Variants in TRAPPC13 observed in about 807,000 individuals in gnomAD.
The protein encoded by TRAPPC13 is REV7-interacting novel NHEJ regulator 1.
TRAPPC13 carries 39 observed loss-of-function variants against 54.0 expected under a neutral mutation model. That is an observed-to-expected ratio of 0.72 (90% CI 0.56 to 0.94). The LOEUF (loss-of-function observed/expected upper bound fraction) is 0.94. Among genes scored for constraint, TRAPPC13 ranks in the 40% least tolerant of loss-of-function variants. The pLI, the probability that TRAPPC13 is intolerant of heterozygous loss-of-function variation, is 0.00. For missense variants in TRAPPC13, 386 were observed against 488.1 expected (o/e 0.79, Z 1.97); for synonymous variants, 148 against 167.7 (o/e 0.88, Z 0.91).
At position 65,665,511 on chromosome 5, in the gene TRAPPC13, G is replaced by A. The variant is rs1428998066; in HGVS notation, c.*900G>A. On this transcript the variant is annotated 3_prime_UTR_variant, in exon 13 of 13. Transcript: ENST00000399438. ...TTCAGCTACTGAACACATCAGAATT[G>A]GTTTTACTTTTTAGGTTGTTGATTT... The A allele has an allele frequency of 6.6e-6, 1 of 151,584 alleles. No individual in the cohort carries two copies. Among genetic ancestry groups the A allele is most frequent in the African/African-American group, 2.4e-5 (1 of 41,268 alleles). 9.4% of individuals were successfully genotyped at this position (151,584 alleles called of 1,614,324 possible).
intron 4 of TRAPPC13, among the ~76,000 whole-genome samples, chr5:65,646,056 A>G (rs1008639559): frequency 5.9e-5 from 9 of 152,230 alleles, no homozygotes; most frequent in African/African-American, 2.2e-4. Context: ...TCCTGCCTCC[A>G]TAGACTTTTC....
At chr5:65,626,023 C>T (rs1004492730) in intron 1 of TRAPPC13, 2 of 152,082 alleles carry the variant, frequency 1.3e-5, no homozygotes, top group Non-Finnish European at 2.9e-5. Flanking sequence ...CCTGTGTTAG[C>T]GAGATTGTCT....
intron 1 of TRAPPC13, chr5:65,626,188 T>A (rs1163851770): frequency 6.6e-6 from 1 of 152,204 alleles, no homozygotes; most frequent in Non-Finnish European, 1.5e-5. Context: ...GTGTTCTTTA[T>A]CTCACAATCT....
chr5:65,635,717 T>A lies in TRAPPC13; in HGVS notation c.116-227T>A, dbSNP rs115830247. The stretch of plus-strand genomic sequence containing the variant: ...TATTGGGGCTTTCTCTAGTATATTT[T>A]CTATCTCATGACGTACATTTTTCTT... On this transcript the variant is annotated intron_variant, in intron 2 of 12. Coordinates refer to ENST00000399438, the MANE Select transcript of TRAPPC13 (RefSeq NM_024941.4). 2.1e-3 allele frequency among the ~76,000 whole-genome samples: 322 copies of A among 152,326 alleles called. 1 individual carries two copies. The highest frequency in any genetic ancestry group is 7.5e-3 in the African/African-American group (313 of 41,594).
In TRAPPC13 at chr5:65,664,924, G is replaced by A; in HGVS notation, c.*313G>A. 3.0e-6 allele frequency: 1 copy of A among 338,966 alleles called. No homozygotes were observed. The highest frequency in any genetic ancestry group is 8.2e-5 in the East Asian group (1 of 12,260). The allele number at this position is 338,966 out of a possible 1,614,324, so 21.0% of individuals were successfully genotyped here. On this transcript the variant is annotated 3_prime_UTR_variant, in exon 13 of 13. Coordinates refer to ENST00000399438, the MANE Select transcript of TRAPPC13 (RefSeq NM_024941.4). ...CCCTAGCAAGTTATCTAGAACACGA[G>A]TCAGCACACTTTTTATGTAAGGTAC...
Position 65,635,989 on chromosome 5 carries a change from A to G in TRAPPC13, c.161A>G (p.Asn54Ser). Residue 54 changes from asparagine to serine, a missense_variant, in exon 3 of 13, where the codon AAT becomes AGT. Asn to Ser is a conservative substitution (Grantham distance 46). Coordinates refer to ENST00000399438, the MANE Select transcript of TRAPPC13 (RefSeq NM_024941.4). ...QLMRDDPSTV[N>S]GAEVLMLGEM... is the part of the protein sequence containing the mutation. ...ATGAGAGATGATCCTTCAACCGTTA[A>G]TGGTGCAGAAGTTTTAATGTTGGGA... 1.2e-6 allele frequency: 2 copies of G among 1,602,714 alleles called. No individual in the cohort carries two copies. Among genetic ancestry groups the G allele is most frequent in the Non-Finnish European group, 1.7e-6 (2 of 1,173,990 alleles).
intron 6 of TRAPPC13, among the ~76,000 whole-genome samples, chr5:65,651,174 G>A (rs867503059): frequency 1.3e-5 from 2 of 152,156 alleles, no homozygotes; most frequent in Non-Finnish European, 1.5e-5. Context: ...TAATCCCAGT[G>A]CTTTGGGAAG....
chr5:65,644,641 G>A (rs1014402860), intron 4 of TRAPPC13, among the ~76,000 whole-genome samples: 1 of 152,186 alleles, frequency 6.6e-6, no homozygotes, highest in African/African-American at 2.4e-5. Flanking sequence ...CAGCACTTTG[G>A]GAGCCCGAGG....
chr5:65,632,837 G>C (rs1332414751), intron 1 of TRAPPC13, among the ~76,000 whole-genome samples: 1 of 152,160 alleles, frequency 6.6e-6, no homozygotes, highest in African/African-American at 2.4e-5. Flanking sequence ...TAATATAGCA[G>C]GTTTTTAATT....
At position 65,666,095 on chromosome 5, in the gene TRAPPC13, G is replaced by C. The variant is rs576285515; in HGVS notation, c.*1484G>C. The C allele has an allele frequency of 3.3e-5, 5 of 152,566 alleles. No individual in the cohort carries two copies. Among genetic ancestry groups the C allele is most frequent in the Non-Finnish European group, 7.4e-5 (5 of 67,978 alleles). 9.5% of individuals were successfully genotyped at this position (152,566 alleles called of 1,614,324 possible). ...TTGAAGTCTGTCTTTGTTTCAAAAT[G>C]ATTAAGATTAAATGATGAAATAATA... On this transcript the variant is annotated 3_prime_UTR_variant, in exon 13 of 13. Transcript: ENST00000399438.
chr5:65,626,721 G>A (rs1322226751), intron 1 of TRAPPC13, among the ~76,000 whole-genome samples: 2 of 152,298 alleles, frequency 1.3e-5, no homozygotes, highest in Admixed American at 1.3e-4. Context: ...AGGCAACAGA[G>A]CGAGACTCCA....
At chr5:65,635,153 C>T in intron 1 of TRAPPC13, 148 bp from the exon 2 acceptor site, 3 of 711,958 alleles carry the variant, frequency 4.2e-6, no homozygotes, top group African/African-American at 1.8e-5. Flanking sequence ...GTGTGATAAC[C>T]TTAGGAAGTA....
intron 9 of TRAPPC13, 72 bp from the exon 10 acceptor site, chr5:65,660,626 AC>A: frequency 7.8e-7 from 1 of 1,275,650 alleles, no homozygotes. Flanking sequence ...ATCCAAAGGA[AC>A]AATCACAGCC....
At chr5:65,649,857 ATTTTT>A (rs34497762) in intron 5 of TRAPPC13, among the ~76,000 whole-genome samples, 1 of 134,242 alleles carries the variant, frequency 7.4e-6, no homozygotes, top group Non-Finnish European at 1.6e-5. Context: ...ATCTATCTGT[ATTTTT>A]TTTTTTTTTT....
chr5:65,654,039 G>A (rs893049862), intron 7 of TRAPPC13, among the ~76,000 whole-genome samples: 3 of 152,094 alleles, frequency 2.0e-5, no homozygotes, highest in African/African-American at 7.2e-5. Context: ...GTTATTTTCT[G>A]TAACTGGCTC....
At chr5:65,641,657 G>A (rs2150673669) in intron 4 of TRAPPC13, among the ~76,000 whole-genome samples, 5 of 151,168 alleles carry the variant, frequency 3.3e-5, no homozygotes, top group Admixed American at 3.3e-4. Context: ...GCTGCAGTGA[G>A]CTATAATTGT....
chr5:65,645,720 C>T (rs1330893815), intron 4 of TRAPPC13, among the ~76,000 whole-genome samples: 2 of 152,106 alleles, frequency 1.3e-5, no homozygotes, highest in African/African-American at 4.8e-5. Flanking sequence ...AGGAGAATGG[C>T]GTGAACCTGG....
rs769404610 is a variant in TRAPPC13, at chr5:65,625,093, G to A, written c.33G>A (p.Leu11=). 1 of 1,613,774 alleles carries A rather than the reference G, an allele frequency of 6.2e-7. No individual in the cohort carries two copies. Among genetic ancestry groups the A allele is most frequent in the Non-Finnish European group, 8.5e-7 (1 of 1,179,686 alleles). ...TGAATCCCCCTAAACAGGAGCACCT[G>A]CTGGCGCTAAAAGGTAAACTTTTGC... MEVNPPKQEH[L]LALKVMRLTK... The change falls in exon 1 of 13, where the codon CTG becomes CTA. Residue 11 remains leucine, a synonymous_variant. Transcript: ENST00000399438.
At position 65,637,692 on chromosome 5, in the gene TRAPPC13, A is replaced by C. The variant is rs961443801; in HGVS notation, c.216-4A>C. 1 of 1,493,204 alleles carries C rather than the reference A, an allele frequency of 6.7e-7. No individual in the cohort carries two copies. The highest frequency in any genetic ancestry group is 9.1e-7 in the Non-Finnish European group (1 of 1,095,022). 92.5% of individuals were successfully genotyped at this position (1,493,204 alleles called of 1,614,324 possible). On this transcript the variant is annotated splice_polypyrimidine_tract_variant and splice_region_variant and intron_variant, in intron 3 of 12. Coordinates refer to ENST00000399438, the MANE Select transcript of TRAPPC13 (RefSeq NM_024941.4). ...TCTGCCTAAATACTTATTTTATTTT[A>C]CAGGAATATATTTTTGGGAGAGACC...
Sources: allele counts gnomAD v4.1 joint callset (sites outside exome capture counted in the v4.1 genomes callset), GRCh38; gene constraint gnomAD v4.1.1; transcripts MANE v1.5; gene names NCBI Gene and HGNC (gene_info 2026-07-23, HGNC 2026-07-21).